The following TAB1 variants were observed in gnomAD, a reference collection of about 807,000 sequenced individuals.
TAB1 encodes TGF-beta-activated kinase 1 and MAP3K7-binding protein 1.
In TAB1, 30 loss-of-function variants were observed where a neutral mutation model predicts 54.5. The observed-to-expected ratio is 0.55, with a 90% CI of 0.41 to 0.75. The LOEUF (loss-of-function observed/expected upper bound fraction) is 0.75. Among genes scored for constraint, TAB1 ranks in the 30% least tolerant of loss-of-function variants. TAB1 has a pLI of 0.00. For synonymous variants in TAB1, 289 were observed against 286.9 expected, an observed-to-expected ratio of 1.01 and a Z score of -0.07; for missense variants, 609 against 683.2, an observed-to-expected ratio of 0.89 and a Z score of 1.21.
chr22:39,416,691 T>C lies in TAB1; in HGVS notation c.325-100T>C, dbSNP rs565256288. 2.3e-4 allele frequency: 261 copies of C among 1,137,502 alleles called. 1 individual carries two copies. The Admixed American group carries it at 4.5e-3, about 20-fold the overall frequency. The allele number at this position is 1,137,502 out of a possible 1,614,324, so 70.5% of individuals were successfully genotyped here. The stretch of plus-strand genomic sequence containing the variant: ...AGCTCCATCACACAAGAACCTGCAG[T>C]GAAGACAGCAAAGCTGCTGCTCTGA... On this transcript the variant is annotated intron_variant, in intron 3 of 10. Transcript: ENST00000216160.
intron 8 of TAB1, among the ~76,000 whole-genome samples, 181 bp downstream of exon 8, chr22:39,422,152 T>C (rs1172267155): frequency 6.6e-6 from 1 of 152,004 alleles, no homozygotes; most frequent in Admixed American, 6.6e-5. Flanking sequence ...AAAACTTGAC[T>C]CATTTTAGGC....
At chr22:39,413,561 C>T (rs1037477177) in intron 1 of TAB1, among the ~76,000 whole-genome samples, 1 of 152,126 alleles carries the variant, frequency 6.6e-6, no homozygotes, top group Non-Finnish European at 1.5e-5. Context: ...GGATTACAGG[C>T]ATGCACCACC....
At position 39,400,550 on chromosome 22, in the gene TAB1, G is replaced by A. The variant is rs546290813; in HGVS notation, c.33+715G>A. Among the ~76,000 whole-genome samples, 267 of 152,288 alleles carry A rather than the reference G, an allele frequency of 1.8e-3. 2 individuals are homozygous for A. Among genetic ancestry groups the A allele is most frequent in the African/African-American group, 6.3e-3 (261 of 41,560 alleles). Reference sequence around the variant, plus strand: ...TGTCTTCAGACTCATCCCTACCCCCGGTCTGGACCCTCATGGGTTTGGCGC... The same window carrying A: ...TGTCTTCAGACTCATCCCTACCCCCAGTCTGGACCCTCATGGGTTTGGCGC... On this transcript the variant is annotated intron_variant, in intron 1 of 10. Transcript: ENST00000216160.
chr22:39,432,330 A>G (rs1310374096), downstream of TAB1: 2 of 152,282 alleles, frequency 1.3e-5, no homozygotes, highest in Non-Finnish European at 2.9e-5. Flanking sequence ...GCTTTGGGGA[A>G]GGATCTTCTA....
chr22:39,403,672 T>G (rs1341258335), intron 1 of TAB1, among the ~76,000 whole-genome samples: 2 of 146,666 alleles, frequency 1.4e-5, no homozygotes, highest in African/African-American at 2.5e-5. Flanking sequence ...GGAGTCTCGC[T>G]CTGTTGCCCA....
chr22:39,417,854 GC>G lies in TAB1; in HGVS notation c.550+10del, dbSNP rs754081087. ...AGCTCTACGTCGCCAATGTCGGTGA[GC>G]CCCCTCCTGTCCCAGGGCAGGGAGG... is the stretch of plus-strand genomic sequence containing the variant. On this transcript the variant is annotated splice_donor_region_variant and intron_variant, in intron 5 of 10. Coordinates refer to ENST00000216160, the MANE Select transcript of TAB1 (RefSeq NM_006116.3). 8 of 1,600,498 alleles carry G rather than the reference GC, an allele frequency of 5.0e-6. No individual in the cohort carries two copies. The highest frequency in any genetic ancestry group is 6.8e-6 in the Non-Finnish European group (8 of 1,173,332).
At chr22:39,436,870 G>C (rs780620332), downstream of TAB1, 139 of 381,310 alleles carry the variant, frequency 3.6e-4, no homozygotes, top group Non-Finnish European at 1.3e-4. Context: ...GTGACTCTGG[G>C]GTTCCTGGTT....
Position 39,415,135 on chromosome 22 carries a change from A to G in TAB1, c.163A>G (p.Lys55Glu). 1 of 1,588,906 alleles carries G rather than the reference A, an allele frequency of 6.3e-7. No individual in the cohort carries two copies. Among genetic ancestry groups the G allele is most frequent in the Non-Finnish European group, 8.6e-7 (1 of 1,164,236 alleles). Reference protein sequence around the residue: ...ESHPPEDSWLKFRSENNCFLY... With the variant: ...ESHPPEDSWLEFRSENNCFLY... ...CCACCCGCCAGAGGACAGCTGGCTC[A>G]AGTTCAGGTGTGTGTGCCAGCATTT... The change falls in exon 2 of 11, where the codon AAG (lysine) becomes GAG (glutamate). Residue 55 changes from lysine (K) to glutamate (E), a missense_variant. Coordinates refer to ENST00000216160, the MANE Select transcript of TAB1 (RefSeq NM_006116.3). This position sits in a 1 kb window ranked among gnomAD's most constrained non-coding sequence, Gnocchi z 4.9.
chr22:39,403,613 G>A (rs1019136699), intron 1 of TAB1, among the ~76,000 whole-genome samples: 3 of 150,826 alleles, frequency 2.0e-5, no homozygotes, highest in East Asian at 2.0e-4. Flanking sequence ...CTGATGTGAT[G>A]TGACTTTTGA....
At chr22:39,436,910 C>T (rs866999866), downstream of TAB1, 8 of 263,510 alleles carry the variant, frequency 3.0e-5, no homozygotes, top group Middle Eastern at 1.2e-3. Flanking sequence ...TCCCAGCACC[C>T]TGCACGGGGC....
intron 6 of TAB1, 116 bp downstream of exon 6, chr22:39,418,961 C>A (rs1226225082): frequency 1.4e-5 from 11 of 807,286 alleles, no homozygotes; most frequent in Non-Finnish European, 2.3e-5. Flanking sequence ...GCTCCCCAGC[C>A]AGCCTGCCTG....
chr22:39,430,447 A>T lies in TAB1; in HGVS notation c.*225A>T. 1.4e-6 allele frequency: 2 copies of T among 1,419,048 alleles called. No homozygotes were observed. The highest frequency in any genetic ancestry group is 1.8e-6 in the Non-Finnish European group (2 of 1,086,970). 87.9% of individuals were successfully genotyped at this position (1,419,048 alleles called of 1,614,324 possible). On this transcript the variant is annotated 3_prime_UTR_variant, in exon 11 of 11. Coordinates refer to ENST00000216160, the MANE Select transcript of TAB1 (RefSeq NM_006116.3). ...GAAGCTGAAGGCCACTTCCTCCCAG[A>T]TGGCCTCAGCCAGGACCATCGCCCT... is the stretch of plus-strand genomic sequence containing the variant.
intron 1 of TAB1, among the ~76,000 whole-genome samples, chr22:39,400,863 G>A (rs1170700962): frequency 6.6e-6 from 1 of 151,796 alleles, no homozygotes; most frequent in Admixed American, 6.6e-5. Flanking sequence ...GTGAAACCCC[G>A]TCTTTACTAA....
intron 6 of TAB1, 84 bp from the exon 7 acceptor site, chr22:39,419,435 T>C: frequency 8.5e-7 from 1 of 1,178,102 alleles, no homozygotes; most frequent in Non-Finnish European, 1.2e-6. Context: ...TATTGCCTTC[T>C]TCCCATGACT....
chr22:39,418,749 T>G lies in TAB1; in HGVS notation c.568T>G (p.Leu190Val). 1.2e-6 allele frequency: 2 copies of G among 1,614,062 alleles called. No individual in the cohort carries two copies. The highest frequency in any genetic ancestry group is 1.7e-6 in the Non-Finnish European group (2 of 1,179,902). Residue 190 changes from leucine (L) to valine (V), a missense_variant, in exon 6 of 11, where the codon TTA (leucine) becomes GTA (valine). Leu to Val is a conservative substitution (Grantham distance 32, BLOSUM62 1). Transcript: ENST00000216160. Reference protein sequence around the residue: ...VANVGTNRALLCKSTVDGLQV... With the variant: ...VANVGTNRALVCKSTVDGLQV... ...TGCCACAGGTACAAACCGTGCACTT[T>G]TATGCAAATCGACAGTGGATGGGTT...
At chr22:39,402,948 C>G (rs1295489851) in intron 1 of TAB1, among the ~76,000 whole-genome samples, 1 of 152,234 alleles carries the variant, frequency 6.6e-6, no homozygotes, top group African/African-American at 2.4e-5. Flanking sequence ...TTGGGCAAAT[C>G]ACTTTATGTC....
Position 39,415,073 on chromosome 22 carries a change from A to G in TAB1, c.101A>G (p.Asn34Ser), listed in dbSNP as rs1047725670. ...CHLSGVGSAS[N>S]RSYSADGKGT... Reference sequence around the variant, plus strand: ...CTCTCTGGGGTTGGCTCAGCCTCCAACCGCAGCTACTCTGCTGATGGCAAG... The same window carrying G: ...CTCTCTGGGGTTGGCTCAGCCTCCAGCCGCAGCTACTCTGCTGATGGCAAG... Residue 34 changes from asparagine (N) to serine (S), a missense_variant, in exon 2 of 11, where the codon AAC (asparagine) becomes AGC (serine). By Grantham distance (46) the Asn-to-Ser change is conservative. Transcript: ENST00000216160. The surrounding 1 kb of genome is among the most constrained non-coding windows in gnomAD (Gnocchi z 4.9). 4 of 1,613,656 alleles carry G rather than the reference A, an allele frequency of 2.5e-6. No homozygotes were observed. The highest frequency in any genetic ancestry group is 3.3e-5 in the Admixed American group (2 of 59,968).
rs1034839424 is a variant in TAB1 at position 39,431,673 on chromosome 22, C to G, written c.*1451C>G. Reference sequence around the variant, plus strand: ...AATGGAAGAAAAACAGGTCTCAGCCCAGGGTCCTCGCTCACTCCCTCACTC... The same window carrying G: ...AATGGAAGAAAAACAGGTCTCAGCCGAGGGTCCTCGCTCACTCCCTCACTC... On this transcript the variant is annotated 3_prime_UTR_variant, in exon 11 of 11. Transcript: ENST00000216160. 4.1e-6 allele frequency: 4 copies of G among 985,336 alleles called. No individual in the cohort carries two copies. The highest frequency in any genetic ancestry group is 1.2e-4 in the Admixed American group (2 of 16,266). 61.0% of individuals were successfully genotyped at this position (985,336 alleles called of 1,614,324 possible).
chr22:39,424,413 T>A (rs1247573269), intron 8 of TAB1, among the ~76,000 whole-genome samples: 1 of 151,394 alleles, frequency 6.6e-6, no homozygotes, highest in African/African-American at 2.4e-5. Flanking sequence ...TGCCTAACTA[T>A]CCCCTGTTCC....
Sources: gnomAD v4.1 joint callset for allele counts (sites outside exome capture counted in the v4.1 genomes callset) on GRCh38, gnomAD v4.1.1 for gene constraint, Gnocchi (gnomAD v3.1) non-coding constraint, MANE v1.5 for transcripts, NCBI Gene and HGNC (gene_info 2026-07-23, HGNC 2026-07-21) for gene names.